The following SPOCK1 variants were observed in gnomAD, a reference collection of about 807,000 sequenced individuals.
SPOCK1 encodes the protein SPARC (osteonectin), cwcv and kazal like domains proteoglycan 1.
SPOCK1 carries 23 observed loss-of-function variants against 55.3 expected under a neutral mutation model. The ratio of observed to expected loss-of-function variants is 0.42; its 90% CI spans 0.30 to 0.59. SPOCK1 has a LOEUF of 0.59. SPOCK1 is among the 20% of genes least tolerant of loss of function. The pLI is 0.22. For synonymous variants in SPOCK1, 226 were observed against 221.0 expected (o/e 1.02, Z -0.20); for missense variants, 499 against 552.5 (o/e 0.90, Z 0.97).
At chr5:137,254,370 A>G (rs1313421502) in intron 3 of SPOCK1, among the ~76,000 whole-genome samples, 1 of 152,142 alleles carries the variant, frequency 6.6e-6, no homozygotes, top group Non-Finnish European at 1.5e-5. Context: ...AACGTGCCCA[A>G]ATTCTTCCAC....
intron 6 of SPOCK1, among the ~76,000 whole-genome samples, chr5:137,000,285 G>A (rs531971168): frequency 6.6e-6 from 1 of 152,246 alleles, no homozygotes; most frequent in South Asian, 2.1e-4. Flanking sequence ...GCAATTAGTA[G>A]CTCCTGTAGA....
chr5:137,344,087 A>T (rs1206856077), intron 2 of SPOCK1, among the ~76,000 whole-genome samples: 1 of 152,248 alleles, frequency 6.6e-6, no homozygotes, highest in Non-Finnish European at 1.5e-5. Flanking sequence ...CCTTCCCACA[A>T]TGGAAAAACC....
rs111976413 is a variant in SPOCK1 at position 137,399,520 on chromosome 5, TA to T, written c.186+98852del. Among the ~76,000 whole-genome samples the T allele has an allele frequency of 2.8e-3, 402 of 145,004 alleles. 5 individuals carry two copies. The highest frequency in any genetic ancestry group is 8.6e-3 in the African/African-American group (342 of 39,640). On this transcript the variant is annotated intron_variant, in intron 2 of 10. Coordinates refer to ENST00000394945, the MANE Select transcript of SPOCK1 (RefSeq NM_004598.4). ...ATCACCACATTGCCTCTTTAAGTAT[TA>T]AAAAAAAAAACAACCTGTGACTTTG...
At chr5:137,006,445 G>A (rs149658335) in intron 6 of SPOCK1, among the ~76,000 whole-genome samples, 3,544 of 152,160 alleles carry the variant, frequency 0.023, 81 homozygotes, top group South Asian at 0.12. Context: ...GTATTCCTAG[G>A]TATTTTATTC....
chr5:137,322,375 T>TA (rs2127147443), intron 2 of SPOCK1, among the ~76,000 whole-genome samples: 1 of 148,304 alleles, frequency 6.7e-6, no homozygotes, highest in African/African-American at 2.5e-5. Context: ...AACTCACTGG[T>TA]AAAGGTAAAT....
intron 2 of SPOCK1, among the ~76,000 whole-genome samples, chr5:137,331,766 G>A (rs546639518): frequency 1.3e-5 from 2 of 152,144 alleles, no homozygotes; most frequent in East Asian, 3.9e-4. Flanking sequence ...CCGCTCCCAC[G>A]ATCCAATCAC....
At chr5:137,290,295 G>A (rs2905556) in intron 2 of SPOCK1, among the ~76,000 whole-genome samples, 130,255 of 152,218 alleles carry the variant, frequency 0.86, 56,023 homozygotes, top group African/African-American at 0.93. Flanking sequence ...TACCAGAGAT[G>A]ATATTACCTA....
intron 2 of SPOCK1, among the ~76,000 whole-genome samples, chr5:137,439,746 C>T (rs149505934): frequency 2.6e-5 from 4 of 152,302 alleles, no homozygotes; most frequent in Non-Finnish European, 5.9e-5. Context: ...CTCTCATCTT[C>T]GCTGGCTCCC....
At chr5:137,066,302 C>G (rs1200511415) in intron 6 of SPOCK1, among the ~76,000 whole-genome samples, 1 of 152,126 alleles carries the variant, frequency 6.6e-6, no homozygotes, top group Non-Finnish European at 1.5e-5. Context: ...CCACACCTGA[C>G]TGATTTTTGT....
At chr5:137,421,682 T>C (rs1488026726) in intron 2 of SPOCK1, among the ~76,000 whole-genome samples, 1 of 152,228 alleles carries the variant, frequency 6.6e-6, no homozygotes, top group Non-Finnish European at 1.5e-5. Context: ...ATTTTGAGCC[T>C]ATGTGTGTCT....
At chr5:136,987,796 C>T (rs1429651032) in intron 8 of SPOCK1, among the ~76,000 whole-genome samples, 1 of 152,146 alleles carries the variant, frequency 6.6e-6, no homozygotes, top group Non-Finnish European at 1.5e-5. Flanking sequence ...CTCAGGTGCA[C>T]CCCCCAGACA....
At chr5:137,427,597 A>G (rs1383522914) in intron 2 of SPOCK1, among the ~76,000 whole-genome samples, 2 of 152,138 alleles carry the variant, frequency 1.3e-5, no homozygotes, top group Non-Finnish European at 2.9e-5. Context: ...GAACCCAGAA[A>G]CAACTTGTCT....
At chr5:137,011,623 T>C (rs1580706659) in intron 6 of SPOCK1, among the ~76,000 whole-genome samples, 1 of 152,218 alleles carries the variant, frequency 6.6e-6, no homozygotes, top group East Asian at 1.9e-4. Flanking sequence ...CCAGGTCCTT[T>C]TGCCTCAGTC....
In SPOCK1 at chr5:137,028,023, C is replaced by A. The variant is rs34568330; in HGVS notation, c.590-35423G>T. Among the ~76,000 whole-genome samples the A allele has an allele frequency of 8.5e-5, 13 of 152,104 alleles. 1 individual carries two copies. The highest frequency in any genetic ancestry group is 1.2e-4 in the Non-Finnish European group (8 of 67,968). On this transcript the variant is annotated intron_variant, in intron 6 of 10. Coordinates refer to ENST00000394945, the MANE Select transcript of SPOCK1 (RefSeq NM_004598.4). ...TTTCAGGAAGCCAACCTCTCCCATCCCCCCTCCAAACTGGTATAACTAAGA... is the reference window on the plus strand; with the variant it reads ...TTTCAGGAAGCCAACCTCTCCCATCACCCCTCCAAACTGGTATAACTAAGA...
intron 6 of SPOCK1, among the ~76,000 whole-genome samples, chr5:137,016,114 C>T (rs934230745): frequency 6.6e-6 from 1 of 152,094 alleles, no homozygotes; most frequent in African/African-American, 2.4e-5. Context: ...TGTCAATACC[C>T]CACTGGAAAA....
At chr5:137,075,137 T>G (rs1366702926) in intron 5 of SPOCK1, among the ~76,000 whole-genome samples, 4 of 152,188 alleles carry the variant, frequency 2.6e-5, no homozygotes, top group African/African-American at 9.7e-5. Flanking sequence ...CTGCAACAAC[T>G]GTCAAATCTT....
At chr5:137,230,499 C>A (rs1756029021) in intron 3 of SPOCK1, among the ~76,000 whole-genome samples, 2 of 152,154 alleles carry the variant, frequency 1.3e-5, no homozygotes, top group Non-Finnish European at 2.9e-5. Flanking sequence ...GTCTTTACTA[C>A]TTCTGTAAGA....
At chr5:137,033,375 T>C (rs572899003) in intron 6 of SPOCK1, among the ~76,000 whole-genome samples, 1 of 152,368 alleles carries the variant, frequency 6.6e-6, no homozygotes, top group South Asian at 2.1e-4. Context: ...CTGACAAGCC[T>C]GCCTCCCTAC....
chr5:137,243,871 G>A (rs904612996), intron 3 of SPOCK1, among the ~76,000 whole-genome samples: 4 of 152,214 alleles, frequency 2.6e-5, no homozygotes, highest in Non-Finnish European at 1.5e-5. Context: ...ACTGTTCCGC[G>A]GACTTGCATT....
Sources: allele counts gnomAD v4.1 joint callset (sites outside exome capture counted in the v4.1 genomes callset), GRCh38; gene constraint gnomAD v4.1.1; transcripts MANE v1.5; gene names NCBI Gene and HGNC (gene_info 2026-07-23, HGNC 2026-07-21).